The following RASGRF2 variants were observed in gnomAD, a reference collection of about 807,000 sequenced individuals.
RASGRF2 encodes the protein ras-specific guanine nucleotide-releasing factor 2.
A neutral mutation model predicts 151.0 loss-of-function variants in RASGRF2; 76 were observed. That is an observed-to-expected ratio of 0.50 (90% CI 0.42 to 0.61). The LOEUF (loss-of-function observed/expected upper bound fraction) is 0.61. RASGRF2 is among the 20% of genes least tolerant of loss of function. RASGRF2 has a pLI of 0.00. For synonymous variants in RASGRF2, 504 were observed against 566.5 expected, an observed-to-expected ratio of 0.89 and a Z score of 1.57; for missense variants, 1,148 against 1,564.6, an observed-to-expected ratio of 0.73 and a Z score of 4.49.
chr5:81,105,677 T>A (rs1317235234), intron 12 of RASGRF2, among the ~76,000 whole-genome samples: 1 of 152,202 alleles, frequency 6.6e-6, no homozygotes, highest in Non-Finnish European at 1.5e-5. Flanking sequence ...TTCCTCAGTG[T>A]GATTCAGAAA....
chr5:81,186,560 A>G (rs1026296070), intron 18 of RASGRF2, among the ~76,000 whole-genome samples: 12 of 152,196 alleles, frequency 7.9e-5, no homozygotes, highest in Admixed American at 2.6e-4. Flanking sequence ...CTATAAACAC[A>G]GACACACACA....
chr5:80,969,123 C>CTT (rs551407326), intron 1 of RASGRF2, among the ~76,000 whole-genome samples: 31 of 93,326 alleles, frequency 3.3e-4, no homozygotes, highest in East Asian at 1.4e-3. Context: ...GTGCAGGACT[C>CTT]TTTTTTTTTT....
chr5:81,199,897 C>CAAAAAAAA (rs33924703), intron 18 of RASGRF2, among the ~76,000 whole-genome samples: 2 of 95,458 alleles, frequency 2.1e-5, no homozygotes, highest in Non-Finnish European at 4.1e-5. Flanking sequence ...GACTCCATCT[C>CAAAAAAAA]AAAAAAAAAA....
intron 1 of RASGRF2, among the ~76,000 whole-genome samples, chr5:80,965,014 T>TG (rs952139854): frequency 1.4e-4 from 22 of 152,206 alleles, no homozygotes; most frequent in African/African-American, 5.1e-4. Context: ...TCACTTGTTT[T>TG]GGGGGGTAAA....
At chr5:81,082,772 C>T (rs1349936192) in intron 7 of RASGRF2, among the ~76,000 whole-genome samples, 1 of 152,250 alleles carries the variant, frequency 6.6e-6, no homozygotes, top group Non-Finnish European at 1.5e-5. Context: ...TAACCAGAGG[C>T]TTCAGCTTGT....
chr5:81,077,360 G>A (rs1220928905), intron 5 of RASGRF2, among the ~76,000 whole-genome samples: 1 of 152,200 alleles, frequency 6.6e-6, no homozygotes, highest in South Asian at 2.1e-4. Flanking sequence ...ATATTGAAAT[G>A]TTGTTTGTGT....
chr5:80,972,114 G>A (rs2112219848), intron 1 of RASGRF2, among the ~76,000 whole-genome samples: 1 of 152,166 alleles, frequency 6.6e-6, no homozygotes, highest in East Asian at 1.9e-4. Context: ...GTTCCAATTT[G>A]GAGCTGTTAT....
chr5:81,175,356 T>A (rs1230625606), intron 17 of RASGRF2, among the ~76,000 whole-genome samples: 1 of 152,184 alleles, frequency 6.6e-6, no homozygotes, highest in African/African-American at 2.4e-5. Flanking sequence ...CTTAATGATC[T>A]TTCCATAACA....
chr5:81,030,756 A>C (rs1750210688), intron 1 of RASGRF2, among the ~76,000 whole-genome samples: 2 of 152,198 alleles, frequency 1.3e-5, no homozygotes, highest in South Asian at 4.1e-4. Context: ...GGAGCAAAAT[A>C]ACCAGCTAAC....
rs139113606 is a variant in RASGRF2 at position 80,995,841 on chromosome 5, T to C, written c.288+34815T>C. Among the ~76,000 whole-genome samples, 681 of 152,046 alleles carry C rather than the reference T, an allele frequency of 4.5e-3. 1 individual carries two copies. Among genetic ancestry groups the C allele is most frequent in the South Asian group, 0.013 (62 of 4,788 alleles). The stretch of plus-strand genomic sequence containing the variant: ...CTGAGTAGCTGTGATGACAGGCATG[T>C]ACCATCAAGCCTGGCTAATTTTTGT... On this transcript the variant is annotated intron_variant, in intron 1 of 26. Transcript: ENST00000265080.
chr5:81,075,232 C>A (rs906093969), intron 5 of RASGRF2, among the ~76,000 whole-genome samples: 23 of 152,182 alleles, frequency 1.5e-4, no homozygotes, highest in Admixed American at 3.3e-4. Flanking sequence ...GTCACGGATG[C>A]AACTAGCTGG....
At chr5:81,138,255 T>C (rs1274504746) in intron 17 of RASGRF2, among the ~76,000 whole-genome samples, 5 of 152,196 alleles carry the variant, frequency 3.3e-5, no homozygotes, top group Non-Finnish European at 5.9e-5. Context: ...TTACAAACGT[T>C]TCTCCAGTGA....
chr5:81,166,879 C>T (rs1754524713), intron 17 of RASGRF2, among the ~76,000 whole-genome samples: 1 of 152,136 alleles, frequency 6.6e-6, no homozygotes, highest in East Asian at 1.9e-4. Flanking sequence ...TTCCCAGTCC[C>T]TTCTGAGATG....
intron 1 of RASGRF2, among the ~76,000 whole-genome samples, chr5:80,974,866 A>AT (rs1334921377): frequency 2.0e-5 from 3 of 151,236 alleles, no homozygotes; most frequent in Middle Eastern, 3.4e-3. Context: ...AGGCCCTGTT[A>AT]TTTTTTTTTC....
chr5:81,012,041 C>A (rs1373644209), intron 1 of RASGRF2, among the ~76,000 whole-genome samples: 1 of 152,150 alleles, frequency 6.6e-6, no homozygotes, highest in African/African-American at 2.4e-5. Context: ...GAGCTATGAC[C>A]GTGAACTTGT....
At chr5:81,106,346 A>G (rs972121381) in intron 12 of RASGRF2, among the ~76,000 whole-genome samples, 2 of 151,890 alleles carry the variant, frequency 1.3e-5, no homozygotes, top group Admixed American at 6.6e-5. Context: ...TCATTTACTG[A>G]TTCAGTATTA....
At chr5:81,112,538 G>A (rs1016421768) in intron 13 of RASGRF2, 72 bp from the exon 14 acceptor site, 36 of 1,588,728 alleles carry the variant, frequency 2.3e-5, no homozygotes, top group Admixed American at 5.1e-5. Context: ...GATTACAAAC[G>A]CTGAAATATT....
At chr5:81,161,904 A>G (rs1580370049) in intron 17 of RASGRF2, among the ~76,000 whole-genome samples, 1 of 147,444 alleles carries the variant, frequency 6.8e-6, no homozygotes, top group Non-Finnish European at 1.5e-5. Context: ...TTTGCCAGTC[A>G]GACCGTTTTT....
chr5:81,214,219 C>G (rs1429499281), intron 23 of RASGRF2, among the ~76,000 whole-genome samples: 1 of 152,152 alleles, frequency 6.6e-6, no homozygotes, highest in Non-Finnish European at 1.5e-5. Flanking sequence ...ATGATTGTTT[C>G]AAAATTTGAA....
Sources: allele counts gnomAD v4.1 joint callset (sites outside exome capture counted in the v4.1 genomes callset), GRCh38; gene constraint gnomAD v4.1.1; transcripts MANE v1.5; gene names NCBI Gene and HGNC (gene_info 2026-07-23, HGNC 2026-07-21).